Variants in LDLRAD3 observed in about 807,000 individuals in gnomAD.
The protein encoded by LDLRAD3 is low-density lipoprotein receptor class A domain-containing protein 3.
In LDLRAD3, 20 loss-of-function variants were observed where a neutral mutation model predicts 29.4. The observed-to-expected ratio is 0.68, with a 90% CI of 0.48 to 0.99. The LOEUF (loss-of-function observed/expected upper bound fraction) is 0.99, where lower values mean the gene tolerates loss of function less well. Ranked by LOEUF, LDLRAD3 falls within the 50% of genes least tolerant of loss-of-function variation. The pLI is 0.00. For missense variants in LDLRAD3, 420 were observed against 454.3 expected, an observed-to-expected ratio of 0.92 and a Z score of 0.69; for synonymous variants, 157 against 192.7, an observed-to-expected ratio of 0.81 and a Z score of 1.53.
intron 2 of LDLRAD3, among the ~76,000 whole-genome samples, chr11:36,060,509 T>C (rs1852683001): frequency 6.6e-6 from 1 of 152,002 alleles, no homozygotes; most frequent in Admixed American, 6.6e-5. Flanking sequence ...AGGAAATGAA[T>C]GTGGAATTTG....
At position 36,159,406 on chromosome 11, in the gene LDLRAD3, C is replaced by A. The variant is rs71480098; in HGVS notation, c.454+60945C>A. On this transcript the variant is annotated intron_variant, in intron 4 of 5. Coordinates refer to ENST00000315571, the MANE Select transcript of LDLRAD3 (RefSeq NM_174902.4). The stretch of plus-strand genomic sequence containing the variant: ...ATCACCTGAGCTCGGGAGGTTGATT[C>A]TGCGGTGAGCCGTGAGCACGCCACT... Among the ~76,000 whole-genome samples, 1,044 of 151,670 alleles carry A rather than the reference C, an allele frequency of 6.9e-3. 10 individuals carry two copies. Among genetic ancestry groups the A allele is most frequent in the South Asian group, 0.022 (105 of 4,772 alleles).
At chr11:35,959,719 C>G (rs574519007) in intron 1 of LDLRAD3, among the ~76,000 whole-genome samples, 1 of 151,824 alleles carries the variant, frequency 6.6e-6, no homozygotes, top group African/African-American at 2.4e-5. Context: ...GCCAGGAGTT[C>G]GCGACCAGCC....
intron 1 of LDLRAD3, among the ~76,000 whole-genome samples, chr11:36,024,346 C>CTATATT: frequency 6.6e-6 from 1 of 152,006 alleles, no homozygotes; most frequent in East Asian, 1.9e-4. Context: ...ATATCCATAT[C>CTATATT]TATATCTATA....
intron 1 of LDLRAD3, among the ~76,000 whole-genome samples, chr11:36,025,624 T>C (rs1176261689): frequency 5.9e-5 from 9 of 151,654 alleles, no homozygotes; most frequent in African/African-American, 1.7e-4. Context: ...CTCCTGACCT[T>C]GTGATCTGCC....
chr11:36,025,146 C>T, intron 1 of LDLRAD3, among the ~76,000 whole-genome samples: 1 of 152,144 alleles, frequency 6.6e-6, no homozygotes, highest in Non-Finnish European at 1.5e-5. Flanking sequence ...CCCCTTTTAT[C>T]TCGCATTCCT....
At chr11:35,967,761 T>G (rs1378762889) in intron 1 of LDLRAD3, 3 of 472,662 alleles carry the variant, frequency 6.3e-6, no homozygotes, top group African/African-American at 6.0e-5. Flanking sequence ...TCCTTGAGTT[T>G]TGGCTCTTGG....
rs1554969670 is a variant in LDLRAD3, at chr11:36,159,625, A to AT, written c.454+61164_454+61165insT. ...ACTAAAAAAAAAAAAAAAAAAAAAA[A>AT]AGCCAGATGTGGTGACATGCTCCTG... On this transcript the variant is annotated intron_variant, in intron 4 of 5. Transcript: ENST00000315571. 2.5e-3 allele frequency among the ~76,000 whole-genome samples: 327 copies of AT among 132,930 alleles called. 7 individuals carry two copies. Among genetic ancestry groups the AT allele is most frequent in the African/African-American group, 8.2e-3 (298 of 36,204 alleles). 87.2% of individuals were successfully genotyped at this position (132,930 alleles called of 152,430 possible). A position where few individuals can be genotyped will look rare whatever the true frequency, so the allele number is the denominator to read the frequency against.
At position 36,177,088 on chromosome 11, in the gene LDLRAD3, A is replaced by G. The variant is rs190083245; in HGVS notation, c.455-49997A>G. Among the ~76,000 whole-genome samples the G allele has an allele frequency of 3.4e-4, 51 of 150,876 alleles. No individual in the cohort carries two copies. In the East Asian group the frequency reaches 9.6e-3, roughly 28 times the overall value. On this transcript the variant is annotated intron_variant, in intron 4 of 5. Transcript: ENST00000315571. ...TTCGAGCTCTGAAGTTCTTTCCTCT[A>G]CTTGTTTGATTCTATTGTTGAAAAT...
intron 4 of LDLRAD3, among the ~76,000 whole-genome samples, chr11:36,186,694 G>A (rs1271016869): frequency 1.3e-5 from 2 of 152,116 alleles, no homozygotes; most frequent in South Asian, 2.1e-4. Context: ...AGACGGATGG[G>A]GTATGAATCC....
intron 4 of LDLRAD3, among the ~76,000 whole-genome samples, chr11:36,103,904 GTA>G (rs1336520025): frequency 3.9e-5 from 6 of 152,344 alleles, no homozygotes; most frequent in African/African-American, 1.4e-4. Context: ...GTATTCAGGT[GTA>G]TATATGTCAC....
At chr11:36,134,150 C>T (rs1853970739) in intron 4 of LDLRAD3, among the ~76,000 whole-genome samples, 1 of 152,034 alleles carries the variant, frequency 6.6e-6, no homozygotes, top group Non-Finnish European at 1.5e-5. Context: ...TTACCTCCTA[C>T]AAGGCAAAAA....
chr11:36,029,087 AC>A (rs1208931275), intron 1 of LDLRAD3, among the ~76,000 whole-genome samples: 2 of 152,208 alleles, frequency 1.3e-5, no homozygotes, highest in African/African-American at 4.8e-5. Flanking sequence ...TACTAAAAAT[AC>A]AAAAAAATTA....
chr11:35,997,502 T>C (rs1394929442), intron 1 of LDLRAD3: 3 of 390,792 alleles, frequency 7.7e-6, no homozygotes, highest in Admixed American at 2.8e-5. Flanking sequence ...TCAGTTTCAC[T>C]ATAATCCTTA....
chr11:36,173,104 TTG>T (rs1462790568), intron 4 of LDLRAD3, among the ~76,000 whole-genome samples: 2 of 152,144 alleles, frequency 1.3e-5, no homozygotes, highest in African/African-American at 2.4e-5. Flanking sequence ...CTTTTCTACT[TTG>T]TGTGTGTAAG....
intron 2 of LDLRAD3, among the ~76,000 whole-genome samples, chr11:36,080,693 A>G (rs945197838): frequency 6.6e-6 from 1 of 152,206 alleles, no homozygotes; most frequent in African/African-American, 2.4e-5. Flanking sequence ...GATCATACTC[A>G]TGGCTGTGAT....
At chr11:36,010,822 T>C (rs1851946126) in intron 1 of LDLRAD3, among the ~76,000 whole-genome samples, 1 of 152,182 alleles carries the variant, frequency 6.6e-6, no homozygotes, top group African/African-American at 2.4e-5. Flanking sequence ...CTTTTTTTTT[T>C]GAAATGGAGT....
chr11:35,998,929 G>A (rs1851788765), intron 1 of LDLRAD3, among the ~76,000 whole-genome samples: 1 of 152,170 alleles, frequency 6.6e-6, no homozygotes, highest in Admixed American at 6.5e-5. Flanking sequence ...AGTCGTTCAG[G>A]CAGATGCATT....
chr11:35,984,590 A>G (rs529890621), intron 1 of LDLRAD3, among the ~76,000 whole-genome samples: 1 of 152,330 alleles, frequency 6.6e-6, no homozygotes, highest in African/African-American at 2.4e-5. Flanking sequence ...CTCACCAAGC[A>G]GGCTCTGGGG....
intron 4 of LDLRAD3, among the ~76,000 whole-genome samples, chr11:36,159,200 G>A (rs1027167162): frequency 1.3e-5 from 2 of 152,152 alleles, no homozygotes; most frequent in African/African-American, 4.8e-5. Context: ...GGGTGTGGTC[G>A]TTCATGGCTG....
Sources: allele counts gnomAD v4.1 joint callset (sites outside exome capture counted in the v4.1 genomes callset), GRCh38; gene constraint gnomAD v4.1.1; transcripts MANE v1.5; gene names NCBI Gene and HGNC (gene_info 2026-07-23, HGNC 2026-07-21).